The following BLTP3A variants were observed in gnomAD, a reference collection of about 807,000 sequenced individuals.
The protein encoded by BLTP3A is bridge-like lipid transfer protein family member 3A, also known as ICBP90 binding protein 1.
chr6:34,852,017 G>A, the BLTP3A span, among the ~76,000 whole-genome samples: 408 of 152,170 alleles, frequency 2.7e-3, 12 homozygotes, highest in East Asian at 0.073. Context: ...TCCTTTCAAG[G>A]CAGTGGGCCC....
the BLTP3A span, chr6:34,859,051 G>A: frequency 6.2e-7 from 1 of 1,614,210 alleles, no homozygotes; most frequent in South Asian, 1.1e-5. Context: ...TGCAGGCTCA[G>A]ATAGCACTAG....
At chr6:34,867,663 A>T in the BLTP3A span, 1 of 1,580,880 alleles carries the variant, frequency 6.3e-7, no homozygotes, top group Non-Finnish European at 8.6e-7. Context: ...CTTGTCTAGG[A>T]CAGCCATAGA....
chr6:34,816,933 C>G, the BLTP3A span, among the ~76,000 whole-genome samples: 3 of 152,076 alleles, frequency 2.0e-5, no homozygotes, highest in Admixed American at 6.5e-5. Context: ...CTTCCCTGGA[C>G]CACTTAAGAT....
At chr6:34,824,192 C>CT in the BLTP3A span, among the ~76,000 whole-genome samples, 3 of 152,038 alleles carry the variant, frequency 2.0e-5, no homozygotes, top group African/African-American at 7.2e-5. Flanking sequence ...CATATCATGT[C>CT]TTTAACAGAC....
the BLTP3A span, chr6:34,856,860 G>A: frequency 6.2e-7 from 1 of 1,614,158 alleles, no homozygotes; most frequent in Non-Finnish European, 8.5e-7. Flanking sequence ...CTGCCTTTCA[G>A]CCTCCAGCAT....
At chr6:34,801,689 C>T in the BLTP3A span, among the ~76,000 whole-genome samples, 13 of 152,138 alleles carry the variant, frequency 8.5e-5, no homozygotes, top group Admixed American at 5.2e-4. Context: ...CACAAAATAT[C>T]GCACAGCTTT....
chr6:34,864,522 CTTT>C, the BLTP3A span, among the ~76,000 whole-genome samples: 30 of 109,420 alleles, frequency 2.7e-4, no homozygotes, highest in East Asian at 7.8e-4. Flanking sequence ...TGCTTATAGT[CTTT>C]TTTTTTTTTT....
At chr6:34,859,346 G>T in the BLTP3A span, 2 of 1,614,022 alleles carry the variant, frequency 1.2e-6, no homozygotes, top group East Asian at 2.2e-5. Flanking sequence ...CCCCCAGCTG[G>T]CAGGGAGACT....
At chr6:34,860,550 TATA>T in the BLTP3A span, among the ~76,000 whole-genome samples, 2 of 152,204 alleles carry the variant, frequency 1.3e-5, no homozygotes, top group Non-Finnish European at 2.9e-5. Flanking sequence ...GGTCGAGTTG[TATA>T]ATAATACTAG....
At chr6:34,873,124 A>G in the BLTP3A span, 1 of 152,356 alleles carries the variant, frequency 6.6e-6, no homozygotes, top group South Asian at 2.1e-4. Context: ...TAGAAAGTAA[A>G]TAACAGTAGT....
chr6:34,792,389 C>T, the BLTP3A span: 3 of 1,252,156 alleles, frequency 2.4e-6, no homozygotes, highest in South Asian at 3.4e-5. Context: ...CAGTCTGCCT[C>T]TCTCCAGCCC....
the BLTP3A span, among the ~76,000 whole-genome samples, chr6:34,854,079 G>A: frequency 6.6e-5 from 10 of 151,966 alleles, no homozygotes; most frequent in Non-Finnish European, 1.3e-4. Context: ...AAAATGAGCC[G>A]GACATGGTGG....
At chr6:34,809,866 C>T in the BLTP3A span, among the ~76,000 whole-genome samples, 1 of 152,066 alleles carries the variant, frequency 6.6e-6, no homozygotes. Flanking sequence ...TAAAAACTTA[C>T]TACTAATAGT....
At chr6:34,804,478 G>T in the BLTP3A span, among the ~76,000 whole-genome samples, 7 of 152,160 alleles carry the variant, frequency 4.6e-5, no homozygotes, top group South Asian at 2.1e-4. Context: ...AGAGCTGGGG[G>T]GTTGGAGTGG....
the BLTP3A span, chr6:34,856,272 A>G: frequency 6.2e-7 from 1 of 1,614,112 alleles, no homozygotes; most frequent in East Asian, 2.2e-5. Flanking sequence ...CGCCACTGTG[A>G]GGCCATGGAG....
At chr6:34,857,834 C>T in the BLTP3A span, 1 of 1,614,110 alleles carries the variant, frequency 6.2e-7, no homozygotes, top group Non-Finnish European at 8.5e-7. Flanking sequence ...CAGCTTGGAG[C>T]AGTTCAAAGC....
At chr6:34,849,160 G>A in the BLTP3A span, among the ~76,000 whole-genome samples, 4 of 151,866 alleles carry the variant, frequency 2.6e-5, no homozygotes, top group South Asian at 2.1e-4. Flanking sequence ...CACTGCACCC[G>A]GCTAATTTTT....
At chr6:34,838,490 A>C in the BLTP3A span, among the ~76,000 whole-genome samples, 181 of 144,614 alleles carry the variant, frequency 1.3e-3, no homozygotes, top group Non-Finnish European at 2.1e-3. Context: ...ATATCATCTC[A>C]AGCCACAAAA....
At chr6:34,842,420 C>G in the BLTP3A span, among the ~76,000 whole-genome samples, 3 of 152,170 alleles carry the variant, frequency 2.0e-5, no homozygotes, top group Non-Finnish European at 4.4e-5. Flanking sequence ...TATCCATTTG[C>G]TGTCACTCCC....
Sources: allele counts gnomAD v4.1 joint callset (sites outside exome capture counted in the v4.1 genomes callset), GRCh38; gene constraint gnomAD v4.1.1; transcripts MANE v1.5; gene names NCBI Gene and HGNC (gene_info 2026-07-23, HGNC 2026-07-21).